CSMD1: variants seen among roughly 807,000 people sequenced by gnomAD.
CSMD1 encodes CUB and sushi domain-containing protein 1.
A neutral mutation model predicts 417.5 loss-of-function variants in CSMD1; 213 were observed. The observed-to-expected ratio is 0.51, with a 90% CI of 0.46 to 0.57. The LOEUF is 0.57. CSMD1 is among the 20% of genes least tolerant of loss of function. The probability of loss-of-function intolerance (pLI) is 0.00; values close to 1 mark genes in which losing one functional copy is unlikely to be tolerated. For synonymous variants in CSMD1, 2,862 were observed against 1,736.8 expected (o/e 1.65, Z -16.11); for missense variants, 6,923 against 4,529.7 (o/e 1.53, Z -15.17).
At chr8:3,152,121 G>A (rs965813300) in intron 39 of CSMD1, among the ~76,000 whole-genome samples, 2 of 152,168 alleles carry the variant, frequency 1.3e-5, no homozygotes, top group Non-Finnish European at 1.5e-5. Context: ...TTTCAATTTC[G>A]GAAGGCAGCT....
chr8:4,911,835 C>T (rs1313526035), intron 1 of CSMD1, among the ~76,000 whole-genome samples: 1 of 152,064 alleles, frequency 6.6e-6, no homozygotes, highest in Non-Finnish European at 1.5e-5. Context: ...GGTGTTTTCT[C>T]ATTTCTCTCC....
Position 3,087,299 on chromosome 8 carries a change from G to T in CSMD1, c.7286-14C>A. ...TGCAGTAAGGTGCTGTGGGCAGACA[G>T]ACACACACAGAAATAAGTCAACAAG... On this transcript the variant is annotated splice_polypyrimidine_tract_variant and intron_variant, in intron 48 of 69. Transcript: ENST00000635120. 6.2e-7 allele frequency: 1 copy of T among 1,610,788 alleles called. No homozygotes were observed. The highest frequency in any genetic ancestry group is 8.5e-7 in the Non-Finnish European group (1 of 1,177,344).
Position 3,974,938 on chromosome 8 carries a change from C to A in CSMD1, c.818+22965G>T, listed in dbSNP as rs538495073. 7.2e-5 allele frequency among the ~76,000 whole-genome samples: 11 copies of A among 152,128 alleles called. No individual in the cohort carries two copies. In the South Asian group the frequency reaches 1.7e-3, roughly 23 times the overall value. ...ATAAAATTATCTTGATTACTTCGAA[C>A]AAATCAAAACTAACACCTGTTAAGA... is the stretch of plus-strand genomic sequence containing the variant. On this transcript the variant is annotated intron_variant, in intron 5 of 69. Transcript: ENST00000635120.
At chr8:3,379,338 A>T (rs1285127606) in intron 18 of CSMD1, among the ~76,000 whole-genome samples, 2 of 152,238 alleles carry the variant, frequency 1.3e-5, no homozygotes, top group African/African-American at 4.8e-5. Context: ...TAATTTATAG[A>T]TTTATTGCTA....
chr8:4,672,538 T>C (rs1368654921), intron 1 of CSMD1, among the ~76,000 whole-genome samples: 1 of 152,218 alleles, frequency 6.6e-6, no homozygotes, highest in Admixed American at 6.5e-5. Context: ...TATGCACCTA[T>C]AATGTAAACA....
At chr8:4,156,126 G>T (rs753857488) in intron 3 of CSMD1, among the ~76,000 whole-genome samples, 19 of 152,044 alleles carry the variant, frequency 1.2e-4, no homozygotes, top group Non-Finnish European at 1.9e-4. Flanking sequence ...CTGACATTAA[G>T]AGTCCCTCTG....
At chr8:3,813,035 T>G (rs1411019393) in intron 5 of CSMD1, among the ~76,000 whole-genome samples, 2 of 151,976 alleles carry the variant, frequency 1.3e-5, no homozygotes, top group Non-Finnish European at 2.9e-5. Flanking sequence ...TGACAGCATT[T>G]AAAAATTGAG....
chr8:3,682,194 A>G lies in CSMD1; in HGVS notation c.1009+26220T>C, dbSNP rs1469450550. Among the ~76,000 whole-genome samples, 3 of 152,332 alleles carry G rather than the reference A, an allele frequency of 2.0e-5. No individual in the cohort carries two copies. In the East Asian group the frequency reaches 5.8e-4, roughly 29 times the overall value. On this transcript the variant is annotated intron_variant, in intron 7 of 69. Transcript: ENST00000635120. Reference sequence around the variant, plus strand: ...ACAAAAGCCAAAATTGACAAATGGGATCTAATTAAACTAAAGAGCTTCTGC... The same window carrying G: ...ACAAAAGCCAAAATTGACAAATGGGGTCTAATTAAACTAAAGAGCTTCTGC...
intron 1 of CSMD1, among the ~76,000 whole-genome samples, chr8:4,721,036 A>C (rs1044554315): frequency 6.6e-6 from 1 of 152,224 alleles, no homozygotes; most frequent in Admixed American, 6.5e-5. Context: ...TTATAGCATT[A>C]TTCATAAAAC....
At chr8:3,497,247 T>C (rs1345022239) in intron 10 of CSMD1, among the ~76,000 whole-genome samples, 1 of 152,202 alleles carries the variant, frequency 6.6e-6, no homozygotes, top group African/African-American at 2.4e-5. Context: ...TAGCAGGATG[T>C]TCAAGTCCAC....
chr8:4,787,863 T>G, intron 1 of CSMD1: 1 of 1,575,208 alleles, frequency 6.3e-7, no homozygotes. Context: ...TGCCCCAGAA[T>G]TGTACACTGG....
At chr8:3,808,624 G>A (rs1013554660) in intron 5 of CSMD1, among the ~76,000 whole-genome samples, 1 of 152,172 alleles carries the variant, frequency 6.6e-6, no homozygotes, top group Non-Finnish European at 1.5e-5. Context: ...AAATACTATT[G>A]CATCAGAGAT....
intron 6 of CSMD1, among the ~76,000 whole-genome samples, chr8:3,716,703 G>C (rs1446627421): frequency 6.6e-6 from 1 of 152,100 alleles, no homozygotes; most frequent in Non-Finnish European, 1.5e-5. Context: ...AGCCCAGCAG[G>C]CCTCAGCCTT....
At chr8:4,630,195 T>G (rs1802426446) in intron 2 of CSMD1, among the ~76,000 whole-genome samples, 1 of 152,100 alleles carries the variant, frequency 6.6e-6, no homozygotes, top group South Asian at 2.1e-4. Context: ...ACATGTTTTC[T>G]TATTTTATCA....
At chr8:3,334,298 T>C (rs544063860) in intron 23 of CSMD1, among the ~76,000 whole-genome samples, 8 of 152,208 alleles carry the variant, frequency 5.3e-5, no homozygotes, top group Admixed American at 2.0e-4. Flanking sequence ...CAGTAATTGA[T>C]TGCATTCAGC....
chr8:4,182,611 G>C (rs1798441282), intron 3 of CSMD1, among the ~76,000 whole-genome samples: 2 of 152,046 alleles, frequency 1.3e-5, no homozygotes, highest in South Asian at 4.1e-4. Context: ...GAATTTTATG[G>C]ACAACAGTGT....
At chr8:3,681,887 C>T (rs1380804866) in intron 7 of CSMD1, among the ~76,000 whole-genome samples, 1 of 152,120 alleles carries the variant, frequency 6.6e-6, no homozygotes, top group African/African-American at 2.4e-5. Context: ...AATAATACCA[C>T]ACATCTACGA....
At chr8:3,046,694 A>T (rs1350846780) in intron 50 of CSMD1, among the ~76,000 whole-genome samples, 1 of 152,064 alleles carries the variant, frequency 6.6e-6, no homozygotes, top group East Asian at 1.9e-4. Flanking sequence ...TGTCTAATCA[A>T]ATCATTTCCA....
At chr8:4,643,952 A>G (rs2130875284) in intron 1 of CSMD1, among the ~76,000 whole-genome samples, 1 of 152,260 alleles carries the variant, frequency 6.6e-6, no homozygotes, top group South Asian at 2.1e-4. Flanking sequence ...GACATCAGCC[A>G]CTCTGGCTCA....
Sources: gnomAD v4.1 joint callset for allele counts (sites outside exome capture counted in the v4.1 genomes callset) on GRCh38, gnomAD v4.1.1 for gene constraint, MANE v1.5 for transcripts, NCBI Gene and HGNC (gene_info 2026-07-23, HGNC 2026-07-21) for gene names.